Variants in NDUFAF5 observed in about 807,000 individuals in gnomAD.
NDUFAF5 encodes NADH:ubiquinone oxidoreductase complex assembly factor 5, also known as arginine-hydroxylase NDUFAF5, mitochondrial.
In NDUFAF5, 34 loss-of-function variants were observed where a neutral mutation model predicts 48.9. The observed-to-expected ratio is 0.70, with a 90% CI of 0.53 to 0.93. The LOEUF (loss-of-function observed/expected upper bound fraction) is 0.93, where lower values mean the gene tolerates loss of function less well. Among genes scored for constraint, NDUFAF5 ranks in the 40% least tolerant of loss-of-function variants. The probability of loss-of-function intolerance (pLI) is 0.00; values close to 1 mark genes in which losing one functional copy is unlikely to be tolerated. For missense variants in NDUFAF5, 428 were observed against 427.5 expected, an observed-to-expected ratio of 1.00 and a Z score of -0.01; for synonymous variants, 153 against 150.6, an observed-to-expected ratio of 1.02 and a Z score of -0.12.
At chr20:13,786,026 G>A (rs774339924) in intron 1 of NDUFAF5, among the ~76,000 whole-genome samples, 1 of 152,144 alleles carries the variant, frequency 6.6e-6, no homozygotes, top group Non-Finnish European at 1.5e-5. Flanking sequence ...GTTTTAGGAA[G>A]ATCAAATTAA....
chr20:13,805,050 C>T (rs988885105), intron 7 of NDUFAF5, among the ~76,000 whole-genome samples: 1 of 151,828 alleles, frequency 6.6e-6, no homozygotes. Context: ...TACAGTCTAC[C>T]CTCTTGAGAA....
At chr20:13,787,475 T>TAA (rs1981386490) in intron 2 of NDUFAF5, 123 bp downstream of exon 2, 2 of 902,418 alleles carry the variant, frequency 2.2e-6, no homozygotes, top group Admixed American at 3.5e-5. Context: ...ACTGGTGATT[T>TAA]AAATCACTCT....
At chr20:13,798,342 A>G in intron 5 of NDUFAF5, 119 bp from the exon 6 acceptor site, 3 of 755,374 alleles carry the variant, frequency 4.0e-6, no homozygotes, top group South Asian at 2.9e-5. Context: ...GTGGATTTGG[A>G]TATGCAGTTT....
Position 13,819,309 on chromosome 20 carries a change from A to G in NDUFAF5, c.*2099A>G, listed in dbSNP as rs2147641581. On this transcript the variant is annotated 3_prime_UTR_variant, in exon 11 of 11. Transcript: ENST00000378106. ...TTATCAAAAATTTTTCATAAATGTT[A>G]CATTCTTAAATGGTATATGATAAAT... The G allele has an allele frequency of 1.3e-5, 2 of 152,358 alleles. No individual in the cohort carries two copies. Among genetic ancestry groups the G allele is most frequent in the East Asian group, 3.9e-4 (2 of 5,190 alleles). The allele number at this position is 152,358 out of a possible 1,614,324, so 9.4% of individuals were successfully genotyped here.
intron 7 of NDUFAF5, 40 bp downstream of exon 7, chr20:13,801,723 C>A: frequency 6.6e-7 from 1 of 1,510,486 alleles, no homozygotes; most frequent in Non-Finnish European, 9.2e-7. Context: ...TTACACAGTT[C>A]AAAAAAGAAC....
intron 7 of NDUFAF5, among the ~76,000 whole-genome samples, chr20:13,807,029 G>A (rs1469798849): frequency 6.8e-6 from 1 of 147,124 alleles, no homozygotes; most frequent in Non-Finnish European, 1.5e-5. Flanking sequence ...CCAAGGGCAT[G>A]TGCCATCACA....
At chr20:13,816,854 T>C (rs1986521935) in intron 9 of NDUFAF5, 21 bp from the exon 10 acceptor site, 2 of 1,557,496 alleles carry the variant, frequency 1.3e-6, no homozygotes, top group Middle Eastern at 1.7e-4. Context: ...TTTCAGACTT[T>C]AACCATTATT....
At chr20:13,813,962 G>A (rs34320366) in intron 8 of NDUFAF5, 11,315 of 157,558 alleles carry the variant, frequency 0.072, 449 homozygotes, top group Non-Finnish European at 0.086. Flanking sequence ...GAGAGAAAAT[G>A]AGATACATTT....
In NDUFAF5 at chr20:13,799,129, C is replaced by T. The variant is rs564218375; in HGVS notation, c.519+629C>T. On this transcript the variant is annotated intron_variant, in intron 6 of 10. Coordinates refer to ENST00000378106, the MANE Select transcript of NDUFAF5 (RefSeq NM_024120.5). ...TCAGCATTAAGGAACAAAAAGGAAA[C>T]CTGTTTGGAGGACTAGTATAGTGCT... Among the ~76,000 whole-genome samples the T allele has an allele frequency of 3.9e-5, 6 of 152,182 alleles. No individual in the cohort carries two copies. The South Asian group carries it at 1.2e-3, about 32-fold the overall frequency.
intron 3 of NDUFAF5, among the ~76,000 whole-genome samples, chr20:13,792,397 G>A (rs1982422008): frequency 6.6e-6 from 1 of 152,216 alleles, no homozygotes; most frequent in Non-Finnish European, 1.5e-5. Flanking sequence ...ACAATGCTGT[G>A]CTTCAAAGAG....
At position 13,817,203 on chromosome 20, in the gene NDUFAF5, C is replaced by G. The variant is rs1600397979; in HGVS notation, c.1031C>G (p.Ser344Ter). Residue 344 changes from serine to a stop codon, truncating the protein, a stop_gained, in exon 11 of 11, where the codon TCA becomes TGA. Coordinates refer to ENST00000378106, the MANE Select transcript of NDUFAF5 (RefSeq NM_024120.5). LOFTEE classifies it high-confidence loss of function. ...AACCTTATGCCACCGGGGAAAAAAT[C>G]ACAATAAATATTTATTCAGTGTTAA... is the stretch of plus-strand genomic sequence containing the variant. ...INNLMPPGKKSQ is the reference protein window; with the variant it reads ...INNLMPPGKK 6.2e-7 allele frequency: 1 copy of G among 1,610,626 alleles called. No individual in the cohort carries two copies. The highest frequency in any genetic ancestry group is 1.3e-5 in the African/African-American group (1 of 74,864).
chr20:13,819,730 T>A lies in NDUFAF5; in HGVS notation c.*2520T>A, dbSNP rs973940587. The A allele has an allele frequency of 1.3e-5, 2 of 152,266 alleles. No homozygotes were observed. Among genetic ancestry groups the A allele is most frequent in the Non-Finnish European group, 2.9e-5 (2 of 68,060 alleles). 9.4% of individuals were successfully genotyped at this position (152,266 alleles called of 1,614,324 possible). A position where few individuals can be genotyped will look rare whatever the true frequency, so the allele number is the denominator to read the frequency against. ...AACTCAAGTTGTCTGTATTGCTTCTTCCCAGACTGGTCCCAAGAATGCTGT... is the reference window on the plus strand; with the variant it reads ...AACTCAAGTTGTCTGTATTGCTTCTACCCAGACTGGTCCCAAGAATGCTGT... On this transcript the variant is annotated 3_prime_UTR_variant, in exon 11 of 11. Transcript: ENST00000378106.
chr20:13,821,047 A>T lies in NDUFAF5; in HGVS notation c.*3837A>T, dbSNP rs1986951257. 6.6e-6 allele frequency: 1 copy of T among 152,240 alleles called. No homozygotes were observed. The highest frequency in any genetic ancestry group is 2.1e-4 in the South Asian group (1 of 4,836). The allele number at this position is 152,240 out of a possible 1,614,324, so 9.4% of individuals were successfully genotyped here. On this transcript the variant is annotated 3_prime_UTR_variant, in exon 11 of 11. Coordinates refer to ENST00000378106, the MANE Select transcript of NDUFAF5 (RefSeq NM_024120.5). The stretch of plus-strand genomic sequence containing the variant: ...GACAGTTATTTTACCATGCTGGTTT[A>T]AAAAACATCAATTTGAAAATACTAG...
Position 13,817,537 on chromosome 20 carries a change from G to A in NDUFAF5, c.*327G>A, listed in dbSNP as rs1015422149. ...CTGACCTTTTACACCTTTTTCATTT[G>A]TCATACTGTTTTCTTTGCCTTGAAG... is the stretch of plus-strand genomic sequence containing the variant. On this transcript the variant is annotated 3_prime_UTR_variant, in exon 11 of 11. Transcript: ENST00000378106. 3 of 479,410 alleles carry A rather than the reference G, an allele frequency of 6.3e-6. No homozygotes were observed. Among genetic ancestry groups the A allele is most frequent in the Non-Finnish European group, 1.2e-5 (3 of 244,356 alleles). The allele number at this position is 479,410 out of a possible 1,614,324, so 29.7% of individuals were successfully genotyped here. A position where few individuals can be genotyped will look rare whatever the true frequency, so the allele number is the denominator to read the frequency against.
intron 2 of NDUFAF5, 110 bp from the exon 3 acceptor site, chr20:13,788,479 T>C: frequency 1.2e-6 from 1 of 811,100 alleles, no homozygotes; most frequent in South Asian, 1.4e-5. Context: ...GCAGATGATG[T>C]AACCTTCTGG....
chr20:13,810,949 G>A (rs1985776979), intron 8 of NDUFAF5, among the ~76,000 whole-genome samples: 1 of 152,132 alleles, frequency 6.6e-6, no homozygotes, highest in African/African-American at 2.4e-5. Context: ...GAAGTGAATG[G>A]AACCGTTTGA....
intron 5 of NDUFAF5, among the ~76,000 whole-genome samples, chr20:13,797,002 A>G (rs116441768): frequency 0.016 from 2,495 of 152,286 alleles, 73 homozygotes; most frequent in African/African-American, 0.055. Flanking sequence ...TTAAGAGATT[A>G]AGTTTCAGTG....
intron 7 of NDUFAF5, among the ~76,000 whole-genome samples, chr20:13,807,027 A>G (rs1021667525): frequency 1.4e-5 from 2 of 147,146 alleles, no homozygotes; most frequent in African/African-American, 5.0e-5. Flanking sequence ...GACCAAGGGC[A>G]TGTGCCATCA....
In NDUFAF5 at chr20:13,816,724, C is replaced by T. The variant is rs933253272; in HGVS notation, c.863-151C>T. The T allele has an allele frequency of 8.0e-6, 6 of 751,774 alleles. No individual in the cohort carries two copies. The Admixed American group carries it at 1.2e-4, about 15-fold the overall frequency. 46.6% of individuals were successfully genotyped at this position (751,774 alleles called of 1,614,324 possible). On this transcript the variant is annotated intron_variant, in intron 9 of 10. Transcript: ENST00000378106. The stretch of plus-strand genomic sequence containing the variant: ...CCAGACAGCCTTTACTATTTCCTTA[C>T]CCTCAGTATTAAGAATTTTTCATGT...
Sources: allele counts gnomAD v4.1 joint callset (sites outside exome capture counted in the v4.1 genomes callset), GRCh38; gene constraint gnomAD v4.1.1; transcripts MANE v1.5; gene names NCBI Gene and HGNC (gene_info 2026-07-23, HGNC 2026-07-21).